The following FANCI variants were observed in gnomAD, a reference collection of about 807,000 sequenced individuals.
FANCI encodes the protein Fanconi anemia group I protein.
A neutral mutation model predicts 176.1 loss-of-function variants in FANCI; 156 were observed. That is an observed-to-expected ratio of 0.89 (90% CI 0.78 to 1.01). The LOEUF (loss-of-function observed/expected upper bound fraction) is 1.01. Ranked by LOEUF, FANCI falls within the 50% of genes least tolerant of loss-of-function variation. The pLI, the probability that FANCI is intolerant of heterozygous loss-of-function variation, is 0.00. For synonymous variants in FANCI, 613 were observed against 541.7 expected (o/e 1.13, Z -1.83); for missense variants, 1,678 against 1,534.1 (o/e 1.09, Z -1.57).
intron 18 of FANCI, among the ~76,000 whole-genome samples, chr15:89,285,845 A>G (rs1002948473): frequency 6.6e-6 from 1 of 152,148 alleles, no homozygotes; most frequent in African/African-American, 2.4e-5. Context: ...GTGGTATGAA[A>G]ACTTTAAGCT....
At chr15:89,280,838 G>A (rs2053586633) in intron 14 of FANCI, among the ~76,000 whole-genome samples, 1 of 152,116 alleles carries the variant, frequency 6.6e-6, no homozygotes. Flanking sequence ...CTTGTGCATA[G>A]TAAAAATTCA....
At position 89,292,693 on chromosome 15, in the gene FANCI, T is replaced by C; in HGVS notation, c.1998T>C (p.Tyr666=). The C allele has an allele frequency of 6.2e-6, 10 of 1,613,436 alleles. No individual in the cohort carries two copies. Among genetic ancestry groups the C allele is most frequent in the Non-Finnish European group, 8.5e-6 (10 of 1,179,836 alleles). Residue 666 remains tyrosine (Y), a synonymous_variant, in exon 21 of 38, where the codon TAT becomes TAC. Transcript: ENST00000310775. ...DKISLQEPLD[Y]LLCCIQHCLA... is the part of the protein sequence containing the mutation. ...TTACTTATTTTCTCCTACAGGATTATCTGCTGTGTTGTATTCAGCATTGTT... is the reference window on the plus strand; with the variant it reads ...TTACTTATTTTCTCCTACAGGATTACCTGCTGTGTTGTATTCAGCATTGTT...
Position 89,317,007 on chromosome 15 carries a change from A to C in FANCI, c.*548A>C. 1 of 625,308 alleles carries C rather than the reference A, an allele frequency of 1.6e-6. No homozygotes were observed. The allele number at this position is 625,308 out of a possible 1,614,324, so 38.7% of individuals were successfully genotyped here. On this transcript the variant is annotated 3_prime_UTR_variant, in exon 38 of 38. Coordinates refer to ENST00000310775, the MANE Select transcript of FANCI (RefSeq NM_001113378.2). ...TTTTCTTTTTATATAAGTGTGTCTT[A>C]GATATATTTTAAATAGAAAATAAGC...
intron 12 of FANCI, among the ~76,000 whole-genome samples, chr15:89,276,077 C>T (rs1032281394): frequency 3.3e-5 from 5 of 152,116 alleles, no homozygotes; most frequent in Non-Finnish European, 7.4e-5. Flanking sequence ...TAATTTGTTG[C>T]AATTTAACAG....
chr15:89,267,408 A>G (rs568083527), intron 9 of FANCI, among the ~76,000 whole-genome samples: 1 of 151,822 alleles, frequency 6.6e-6, no homozygotes, highest in Non-Finnish European at 1.5e-5. Flanking sequence ...TCAAGAAAGA[A>G]GTAGTTAATT....
intron 9 of FANCI, among the ~76,000 whole-genome samples, chr15:89,266,985 G>A (rs889211222): frequency 1.3e-5 from 2 of 151,952 alleles, no homozygotes; most frequent in African/African-American, 4.8e-5. Context: ...AGGGACTAAA[G>A]CCAAGAGACT....
chr15:89,268,556 C>A, intron 10 of FANCI, 31 bp downstream of exon 10: 1 of 1,613,338 alleles, frequency 6.2e-7, no homozygotes, highest in East Asian at 2.2e-5. Context: ...TGATCTGGGT[C>A]TCTTTTGAAT....
At chr15:89,309,300 T>A (rs937531855) in intron 34 of FANCI, among the ~76,000 whole-genome samples, 1 of 152,150 alleles carries the variant, frequency 6.6e-6, no homozygotes, top group Non-Finnish European at 1.5e-5. Flanking sequence ...GGGTTTTGAG[T>A]TTCCTCATCT....
chr15:89,316,803 A>G lies in FANCI; in HGVS notation c.*344A>G, dbSNP rs1410810842. 6.2e-7 allele frequency: 1 copy of G among 1,613,900 alleles called. No individual in the cohort carries two copies. The highest frequency in any genetic ancestry group is 8.5e-7 in the Non-Finnish European group (1 of 1,179,766). On this transcript the variant is annotated 3_prime_UTR_variant, in exon 38 of 38. Transcript: ENST00000310775. ...CAAGGAGCCTTTGGTGAGTTCAATT[A>G]TCTGGTAAATATCCAGCGCTTCACC...
At position 89,276,922 on chromosome 15, in the gene FANCI, A is replaced by C. The variant is rs754287272; in HGVS notation, c.1293+31A>C. ...ACACTATTTTGGCAACCACTCCCTA[A>C]TTTTGTTTAAATAATCCAAGTAGGG... is the stretch of plus-strand genomic sequence containing the variant. On this transcript the variant is annotated intron_variant, in intron 13 of 37. Coordinates refer to ENST00000310775, the MANE Select transcript of FANCI (RefSeq NM_001113378.2). 1.4e-5 allele frequency: 23 copies of C among 1,612,308 alleles called. No homozygotes were observed. In the East Asian group the frequency reaches 5.1e-4, roughly 36 times the overall value.
At chr15:89,260,875 G>C in intron 4 of FANCI, 32 bp downstream of exon 4, 1 of 1,611,666 alleles carries the variant, frequency 6.2e-7, no homozygotes, top group Non-Finnish European at 8.5e-7. Context: ...TTTATTTGGG[G>C]GTAGGTTTTT....
At chr15:89,305,884 C>T (rs1034167546) in intron 31 of FANCI, 123 bp from the exon 32 acceptor site, 4 of 1,082,432 alleles carry the variant, frequency 3.7e-6, no homozygotes, top group Admixed American at 3.8e-5. Flanking sequence ...ATTCACTCTG[C>T]ATATTGAATG....
At chr15:89,272,708 A>C (rs927396583) in intron 10 of FANCI, among the ~76,000 whole-genome samples, 2 of 151,928 alleles carry the variant, frequency 1.3e-5, no homozygotes, top group Admixed American at 1.3e-4. Flanking sequence ...AGTCATAAGG[A>C]CTTTTTTGGG....
chr15:89,281,193 T>A lies in FANCI; in HGVS notation c.1405T>A (p.Tyr469Asn). Residue 469 changes from tyrosine to asparagine, a missense_variant, in exon 15 of 38, where the codon TAT becomes AAT. Around this residue, in one of 3 missense-constraint regions of FANCI, gnomAD observed 1,204 missense variants for 1,077.4 expected, o/e 1.12. Coordinates refer to ENST00000310775, the MANE Select transcript of FANCI (RefSeq NM_001113378.2). ...FLDLLSNIVMYAPLVLQSCSS... is the reference protein window; with the variant it reads ...FLDLLSNIVMNAPLVLQSCSS... The stretch of plus-strand genomic sequence containing the variant: ...AGACCTGCTTTCAAATATCGTCATG[T>A]ATGCACCCTTAGTTCTTCAAAGTTG... 1 of 1,613,826 alleles carries A rather than the reference T, an allele frequency of 6.2e-7. No individual in the cohort carries two copies. The highest frequency in any genetic ancestry group is 8.5e-7 in the Non-Finnish European group (1 of 1,179,784).
chr15:89,274,887 G>A (rs903920040), intron 12 of FANCI, among the ~76,000 whole-genome samples: 3 of 151,816 alleles, frequency 2.0e-5, no homozygotes, highest in Non-Finnish European at 4.4e-5. Flanking sequence ...TTACAGGCTT[G>A]AGCCACCGGT....
intron 24 of FANCI, among the ~76,000 whole-genome samples, chr15:89,298,840 T>A (rs2054415594): frequency 6.6e-6 from 1 of 152,158 alleles, no homozygotes; most frequent in African/African-American, 2.4e-5. Flanking sequence ...CTTTTAAGTT[T>A]AATGGACAGA....
intron 10 of FANCI, among the ~76,000 whole-genome samples, chr15:89,270,195 T>C (rs996503393): frequency 1.3e-5 from 2 of 152,150 alleles, no homozygotes; most frequent in Admixed American, 6.5e-5. Context: ...AGGTAGTGGG[T>C]TGGATTTGGC....
At chr15:89,274,598 C>CTT (rs1360782495) in intron 12 of FANCI, among the ~76,000 whole-genome samples, 5 of 100,354 alleles carry the variant, frequency 5.0e-5, no homozygotes, top group African/African-American at 1.9e-4. Flanking sequence ...TTCTTTCTTT[C>CTT]CTTTTTTTTT....
At chr15:89,263,869 A>G in intron 7 of FANCI, 34 bp from the exon 8 acceptor site, 3 of 1,613,716 alleles carry the variant, frequency 1.9e-6, no homozygotes, top group Non-Finnish European at 2.5e-6. Context: ...GCAGTTAGAC[A>G]CTGTCTATAG....
Sources: allele counts gnomAD v4.1 joint callset (sites outside exome capture counted in the v4.1 genomes callset), GRCh38; gene constraint gnomAD v4.1.1; regional missense constraint gnomAD v4.1.1; transcripts MANE v1.5; gene names NCBI Gene and HGNC (gene_info 2026-07-23, HGNC 2026-07-21).